Variants in CIB2 observed in about 807,000 individuals in gnomAD.
CIB2 encodes calcium and integrin binding family member 2.
A neutral mutation model predicts 23.1 loss-of-function variants in CIB2; 19 were observed. The ratio of observed to expected loss-of-function variants is 0.82; its 90% CI spans 0.57 to 1.21. CIB2 has a LOEUF of 1.21. CIB2 is among the 50% of genes most tolerant of loss of function. The probability of loss-of-function intolerance (pLI) is 0.00; values close to 1 mark genes in which losing one functional copy is unlikely to be tolerated. For synonymous variants in CIB2, 94 were observed against 91.7 expected, an observed-to-expected ratio of 1.03 and a Z score of -0.14; for missense variants, 220 against 241.5, an observed-to-expected ratio of 0.91 and a Z score of 0.59.
chr15:78,129,950 T>G (rs2074431884), intron 1 of CIB2, among the ~76,000 whole-genome samples: 1 of 152,198 alleles, frequency 6.6e-6, no homozygotes, highest in Non-Finnish European at 1.5e-5. Context: ...GTCTCCCCTC[T>G]TCCTTCCCAG....
chr15:78,108,315 C>T (rs994549795), intron 4 of CIB2, among the ~76,000 whole-genome samples: 1 of 152,114 alleles, frequency 6.6e-6, no homozygotes, highest in Non-Finnish European at 1.5e-5. Context: ...AGGACAGGAG[C>T]TTTGACCTTG....
Position 78,123,473 on chromosome 15 carries a change from G to A in CIB2, c.86+232C>T, listed in dbSNP as rs181183342. Among the ~76,000 whole-genome samples the A allele has an allele frequency of 1.3e-5, 2 of 152,304 alleles. 1 individual carries two copies. Among genetic ancestry groups the A allele is most frequent in the East Asian group, 3.9e-4 (2 of 5,186 alleles). ...TGTGCCGGAAACTACCCACCTGAAA[G>A]CTCATAGTAAGTAGATGTTCATTCC... is the stretch of plus-strand genomic sequence containing the variant. On this transcript the variant is annotated intron_variant, in intron 2 of 5. Transcript: ENST00000258930.
At chr15:78,121,648 C>T (rs920762449) in intron 2 of CIB2, among the ~76,000 whole-genome samples, 4 of 152,210 alleles carry the variant, frequency 2.6e-5, no homozygotes, top group Non-Finnish European at 5.9e-5. Context: ...CCCAGCACTT[C>T]TCTTTCCTGC....
At position 78,131,366 on chromosome 15, in the gene CIB2, G is replaced by T. The variant is rs2074454078; in HGVS notation, c.-151C>A. 2 of 410,484 alleles carry T rather than the reference G, an allele frequency of 4.9e-6. No homozygotes were observed. Among genetic ancestry groups the T allele is most frequent in the Non-Finnish European group, 3.5e-6 (1 of 286,448 alleles). 25.4% of individuals were successfully genotyped at this position (410,484 alleles called of 1,614,324 possible). A position where few individuals can be genotyped will look rare whatever the true frequency, so the allele number is the denominator to read the frequency against. ...CCGGACCCTTCCCGCCCCGCAGCTC[G>T]CCTGGAGGAGGCGCGCGGGGGTCTC... On this transcript the variant is annotated 5_prime_UTR_variant, in exon 1 of 6. Transcript: ENST00000258930. The surrounding 1 kb of genome is among the most constrained non-coding windows in gnomAD (Gnocchi z 5.8).
intron 1 of CIB2, among the ~76,000 whole-genome samples, chr15:78,125,013 C>T (rs2074364326): frequency 6.6e-6 from 1 of 152,208 alleles, no homozygotes; most frequent in African/African-American, 2.4e-5. Context: ...TCCTTCTAAG[C>T]TGCTGCTCCC....
At chr15:78,107,463 C>A (rs999331157) in intron 4 of CIB2, among the ~76,000 whole-genome samples, 7 of 152,300 alleles carry the variant, frequency 4.6e-5, no homozygotes, top group Admixed American at 2.6e-4. Context: ...TGGCTGAATT[C>A]CTGTGGCCAT....
intron 2 of CIB2, among the ~76,000 whole-genome samples, chr15:78,112,516 A>G (rs1301512816): frequency 6.6e-6 from 1 of 152,192 alleles, no homozygotes; most frequent in Non-Finnish European, 1.5e-5. Context: ...GCAGTGAGCT[A>G]TGATTGCCCC....
chr15:78,123,555 C>T, intron 2 of CIB2, 150 bp downstream of exon 2: 1 of 774,702 alleles, frequency 1.3e-6, no homozygotes. Context: ...CATCCTAGCC[C>T]AGTGGCCGAG....
chr15:78,131,196 A>C lies in CIB2; in HGVS notation c.20T>G (p.Ile7Ser), dbSNP rs756431884. The C allele has an allele frequency of 6.3e-7, 1 of 1,584,690 alleles. No individual in the cohort carries two copies. The highest frequency in any genetic ancestry group is 2.3e-5 in the East Asian group (1 of 43,074). MGNKQT[I>S]FTEEQLDNYQ... ...GTTGTCTAGCTGCTCTTCGGTGAAGATGGTCTGCTTGTTCCCCATGGTGGC... is the reference window on the plus strand; with the variant it reads ...GTTGTCTAGCTGCTCTTCGGTGAAGCTGGTCTGCTTGTTCCCCATGGTGGC... The change falls in exon 1 of 6, where the codon ATC becomes AGC. Residue 7 changes from isoleucine (I) to serine (S), a missense_variant. Transcript: ENST00000258930. This position sits in a 1 kb window ranked among gnomAD's most constrained non-coding sequence, Gnocchi z 5.8.
At chr15:78,124,759 ACCAGAG>A (rs1292857033) in intron 1 of CIB2, among the ~76,000 whole-genome samples, 13 of 152,176 alleles carry the variant, frequency 8.5e-5, no homozygotes, top group Non-Finnish European at 1.5e-5. Flanking sequence ...CCATAAGCTG[ACCAGAG>A]CCAGCTCTGA....
intron 4 of CIB2, 35 bp downstream of exon 4, chr15:78,109,200 C>CCGG: frequency 8.6e-7 from 1 of 1,159,168 alleles, no homozygotes; most frequent in Non-Finnish European, 1.2e-6. Flanking sequence ...GTTCCCCCAC[C>CCGG]GCATATTCAG....
chr15:78,108,802 C>G (rs2074108971), intron 4 of CIB2, among the ~76,000 whole-genome samples: 1 of 152,188 alleles, frequency 6.6e-6, no homozygotes, highest in Non-Finnish European at 1.5e-5. Context: ...ACAGCCTGGC[C>G]CCAGATTCTC....
intron 2 of CIB2, among the ~76,000 whole-genome samples, chr15:78,117,321 A>C (rs1416575485): frequency 6.7e-6 from 1 of 149,598 alleles, no homozygotes; most frequent in East Asian, 2.0e-4. Context: ...GGGAACCCTG[A>C]AAAAAAAGAG....
intron 4 of CIB2, 139 bp from the exon 5 acceptor site, chr15:78,106,073 G>A: frequency 1.4e-6 from 1 of 699,132 alleles, no homozygotes; most frequent in Non-Finnish European, 2.4e-6. Flanking sequence ...GCACACTCTT[G>A]GGATACTGGA....
intron 1 of CIB2, among the ~76,000 whole-genome samples, chr15:78,125,656 A>G (rs1400218333): frequency 6.6e-6 from 1 of 152,144 alleles, no homozygotes; most frequent in African/African-American, 2.4e-5. Flanking sequence ...TCCACTCCAG[A>G]TCTCTTGAAT....
chr15:78,130,785 C>G (rs188447529), intron 1 of CIB2, among the ~76,000 whole-genome samples: 1 of 152,198 alleles, frequency 6.6e-6, no homozygotes, highest in Non-Finnish European at 1.5e-5. Context: ...CTCTCCTGGG[C>G]TCCTTCCTGG....
At position 78,123,714 on chromosome 15, in the gene CIB2, T is replaced by A; in HGVS notation, c.77A>T (p.Asp26Val). 1 of 1,614,094 alleles carries A rather than the reference T, an allele frequency of 6.2e-7. No homozygotes were observed. Among genetic ancestry groups the A allele is most frequent in the Non-Finnish European group, 8.5e-7 (1 of 1,179,962 alleles). The change falls in exon 2 of 6, where the codon GAC becomes GTC. Residue 26 changes from aspartate (D) to valine (V), a missense_variant. By Grantham distance (152) the Asp-to-Val change is radical (BLOSUM62 -3). Transcript: ENST00000258930. ...GAGAAGCCACACTTACTTGAGGATG[T>A]CCTTCTTATTGAAGAAGGTGCAGTC... Reference protein sequence around the residue: ...YQDCTFFNKKDILKLHSRFYE... With the variant: ...YQDCTFFNKKVILKLHSRFYE...
chr15:78,131,254 A>C lies in CIB2; in HGVS notation c.-39T>G, dbSNP rs11547207. 380,458 of 1,430,156 alleles carry C rather than the reference A, an allele frequency of 0.27. 52,610 individuals carry two copies. Among genetic ancestry groups the C allele is most frequent in the African/African-American group, 0.45 (30,586 of 68,372 alleles). 88.6% of individuals were successfully genotyped at this position (1,430,156 alleles called of 1,614,324 possible). A position where few individuals can be genotyped will look rare whatever the true frequency, so the allele number is the denominator to read the frequency against. ...CCGCCGCTCGCCCGCCCGGGCTCCGACTCCCATCAGCGGCCGCCAGACCCG... is the reference window on the plus strand; with the variant it reads ...CCGCCGCTCGCCCGCCCGGGCTCCGCCTCCCATCAGCGGCCGCCAGACCCG... On this transcript the variant is annotated 5_prime_UTR_variant, in exon 1 of 6. Transcript: ENST00000258930. The surrounding 1 kb of genome is among the most constrained non-coding windows in gnomAD (Gnocchi z 5.8).
upstream of CIB2, chr15:78,131,530 A>G (rs1038962223): frequency 6.4e-6 from 1 of 155,190 alleles, no homozygotes; most frequent in African/African-American, 2.4e-5. This position sits in a 1 kb window ranked among gnomAD's most constrained non-coding sequence, Gnocchi z 5.8. Flanking sequence ...CCCGGCACGA[A>G]CCCTTGGCTC....
Sources: gnomAD v4.1 joint callset for allele counts (sites outside exome capture counted in the v4.1 genomes callset) on GRCh38, gnomAD v4.1.1 for gene constraint, Gnocchi (gnomAD v3.1) non-coding constraint, MANE v1.5 for transcripts, NCBI Gene and HGNC (gene_info 2026-07-23, HGNC 2026-07-21) for gene names.